Variants in HID1 observed in about 807,000 individuals in gnomAD.
HID1 encodes protein HID1.
HID1 carries 42 observed loss-of-function variants against 89.7 expected under a neutral mutation model. That is an observed-to-expected ratio of 0.47 (90% CI 0.37 to 0.61). The LOEUF is 0.61. Ranked by LOEUF, HID1 falls within the 20% of genes least tolerant of loss-of-function variation. HID1 has a pLI of 0.00. For synonymous variants in HID1, 442 were observed against 433.8 expected (o/e 1.02, Z -0.24); for missense variants, 854 against 1,039.3 (o/e 0.82, Z 2.45).
Position 74,958,691 on chromosome 17 carries a change from C to G in HID1, c.1222G>C (p.Asp408His). 2 of 1,581,672 alleles carry G rather than the reference C, an allele frequency of 1.3e-6. No individual in the cohort carries two copies. Among genetic ancestry groups the G allele is most frequent in the Non-Finnish European group, 1.7e-6 (2 of 1,154,428 alleles). Residue 408 changes from aspartate (D) to histidine (H), a missense_variant, in exon 10 of 19, where the codon GAT becomes CAT. Physicochemically the swap from Asp to His is moderately conservative, Grantham distance 81. Coordinates refer to ENST00000425042, the MANE Select transcript of HID1 (RefSeq NM_030630.3). The surrounding 1 kb of genome is among the most constrained non-coding windows in gnomAD (Gnocchi z 5.2). The part of the protein sequence containing the change: ...ILVPILFFLN[D>H]ARADQSRVGL... ...GTCTTACACTGATCGGCCCGGGCAT[C>G]GTTGAGGAAGAAGAGGATGGGGACA...
At chr17:74,969,922 C>CTT (rs61436029) in intron 1 of HID1, among the ~76,000 whole-genome samples, 1,549 of 112,080 alleles carry the variant, frequency 0.014, 33 homozygotes, top group Non-Finnish European at 0.017. Flanking sequence ...TTTCTTTTTT[C>CTT]TTTTTTTTTT....
At chr17:74,955,514 A>T (rs1251898480) in intron 13 of HID1, among the ~76,000 whole-genome samples, 3 of 141,824 alleles carry the variant, frequency 2.1e-5, no homozygotes, top group Non-Finnish European at 4.7e-5. Flanking sequence ...AAAAAAAAAA[A>T]TTTCAGATGT....
chr17:74,954,473 G>C, intron 13 of HID1, 108 bp from the exon 14 acceptor site: 1 of 1,529,740 alleles, frequency 6.5e-7, no homozygotes, highest in East Asian at 2.4e-5. Context: ...GAGGGTGTCT[G>C]CCCAAGGGGT....
In HID1 at chr17:74,963,084, G is replaced by A. The variant is rs1469919803; in HGVS notation, c.388-3C>T. 1 of 1,594,912 alleles carries A rather than the reference G, an allele frequency of 6.3e-7. No individual in the cohort carries two copies. The highest frequency in any genetic ancestry group is 1.7e-5 in the Admixed American group (1 of 57,858). On this transcript the variant is annotated splice_region_variant and splice_polypyrimidine_tract_variant and intron_variant, in intron 3 of 18. Coordinates refer to ENST00000425042, the MANE Select transcript of HID1 (RefSeq NM_030630.3). ...TGCTCATCATCCTCTTCTCCCTGCT[G>A]GGGACACAGCACCCACAGGCTGCCT...
At chr17:74,953,999 CCT>C in intron 14 of HID1, 137 bp downstream of exon 14, 3 of 845,802 alleles carry the variant, frequency 3.5e-6, no homozygotes, top group Non-Finnish European at 5.7e-6. Flanking sequence ...TCCCCCCATC[CCT>C]GTTGCCCAGC....
rs2039497650 is a variant in HID1, at chr17:74,962,475, A to G, written c.505-135T>C. ...CAGTTCTCCTAAAGACAGGTCCTCA[A>G]AATGGCCTGGCCCTCATGCACAAGA... On this transcript the variant is annotated intron_variant, in intron 4 of 18. Coordinates refer to ENST00000425042, the MANE Select transcript of HID1 (RefSeq NM_030630.3). This position sits in a 1 kb window ranked among gnomAD's most constrained non-coding sequence, Gnocchi z 4.3. 1.7e-6 allele frequency: 1 copy of G among 574,296 alleles called. No homozygotes were observed. Among genetic ancestry groups the G allele is most frequent in the East Asian group, 3.0e-5 (1 of 33,704 alleles). 35.6% of individuals were successfully genotyped at this position (574,296 alleles called of 1,614,324 possible). A position where few individuals can be genotyped will look rare whatever the true frequency, so the allele number is the denominator to read the frequency against.
intron 3 of HID1, chr17:74,963,536 T>C: frequency 3.3e-6 from 2 of 599,468 alleles, no homozygotes. Flanking sequence ...TCCTCCAGAC[T>C]GTGGGCACAG....
At chr17:74,963,658 G>A (rs2039518194) in intron 3 of HID1, 82 bp downstream of exon 3, 4 of 1,357,878 alleles carry the variant, frequency 2.9e-6, no homozygotes, top group Non-Finnish European at 3.0e-6. Flanking sequence ...AAGAGGCTTG[G>A]AGGAGCATGG....
At position 74,964,513 on chromosome 17, in the gene HID1, T is replaced by G; in HGVS notation, c.186A>C (p.Ser62=). 6.2e-7 allele frequency: 1 copy of G among 1,609,910 alleles called. No individual in the cohort carries two copies. Among genetic ancestry groups the G allele is most frequent in the East Asian group, 2.2e-5 (1 of 44,754 alleles). Residue 62 remains serine (S), a synonymous_variant, in exon 2 of 19, where the codon TCA becomes TCC. Coordinates refer to ENST00000425042, the MANE Select transcript of HID1 (RefSeq NM_030630.3). ...AAEIRAVREE[S]PSNLATLCYK... ...AGCACAGGGTGGCCAAGTTGGAGGGTGACTCTTCCCGCACGGCCCGGATCT... is the reference window on the plus strand; with the variant it reads ...AGCACAGGGTGGCCAAGTTGGAGGGGGACTCTTCCCGCACGGCCCGGATCT...
chr17:74,960,296 C>G (rs759390213), intron 6 of HID1, 48 bp from the exon 7 acceptor site: 171 of 1,520,480 alleles, frequency 1.1e-4, no homozygotes, highest in Non-Finnish European at 1.5e-4. Context: ...TGGGGCCCAG[C>G]CCCCTGGCCA....
intron 1 of HID1, among the ~76,000 whole-genome samples, chr17:74,967,282 T>C (rs757282510): frequency 3.3e-5 from 5 of 151,530 alleles, no homozygotes; most frequent in Admixed American, 6.6e-5. Flanking sequence ...GGCTCACGCC[T>C]GTAATTCCAG....
At position 74,963,049 on chromosome 17, in the gene HID1, G is replaced by C; in HGVS notation, c.420C>G (p.Pro140=). The C allele has an allele frequency of 6.2e-7, 1 of 1,612,904 alleles. No homozygotes were observed. Among genetic ancestry groups the C allele is most frequent in the Non-Finnish European group, 8.5e-7 (1 of 1,179,398 alleles). Residue 140 remains proline (P), a synonymous_variant, in exon 4 of 19, where the codon CCC becomes CCG. Transcript: ENST00000425042. Reference sequence around the variant, plus strand: ...TGGCCAGGAGCAGGGACTCGGCCAGGGGCCTGGCATGCTCATCATCCTCTT... The same window carrying C: ...TGGCCAGGAGCAGGGACTCGGCCAGCGGCCTGGCATGCTCATCATCCTCTT... ...QGEEDDEHAR[P]LAESLLLAIA...
chr17:74,960,437 G>T (rs1381592053), intron 6 of HID1, among the ~76,000 whole-genome samples, 189 bp from the exon 7 acceptor site: 1 of 152,228 alleles, frequency 6.6e-6, no homozygotes, highest in Non-Finnish European at 1.5e-5. Flanking sequence ...ACCCCTTAGG[G>T]TCTTAAGGGG....
chr17:74,961,354 G>A (rs141327044), intron 6 of HID1, among the ~76,000 whole-genome samples: 3,448 of 151,788 alleles, frequency 0.023, 109 homozygotes, highest in African/African-American at 0.064. Flanking sequence ...TGCAACCTCC[G>A]CCTCCCGGGT....
intron 1 of HID1, among the ~76,000 whole-genome samples, chr17:74,966,266 A>G (rs545394165): frequency 1.5e-5 from 2 of 135,988 alleles, no homozygotes; most frequent in South Asian, 5.2e-4. Flanking sequence ...CCTGGGTGAC[A>G]GAGCAAGACT....
At chr17:74,964,036 G>A in intron 2 of HID1, 126 bp from the exon 3 acceptor site, 1 of 981,030 alleles carries the variant, frequency 1.0e-6, no homozygotes, top group Non-Finnish European at 1.5e-6. Context: ...GCAGAGGAGA[G>A]ACAGTGGGGC....
chr17:74,963,711 C>A, intron 3 of HID1, 29 bp downstream of exon 3: 1 of 1,569,870 alleles, frequency 6.4e-7, no homozygotes, highest in Non-Finnish European at 8.6e-7. Context: ...AACTCTGCCT[C>A]CCACCCAGCC....
chr17:74,960,851 C>T (rs1219399575), intron 6 of HID1, among the ~76,000 whole-genome samples: 2 of 152,204 alleles, frequency 1.3e-5, no homozygotes, highest in Non-Finnish European at 1.5e-5. Flanking sequence ...CGCCACCTGC[C>T]GGGCACAGAC....
Position 74,953,067 on chromosome 17 carries a change from C to T in HID1, c.1991G>A (p.Arg664Lys). Residue 664 changes from arginine (R) to lysine (K), a missense_variant, in exon 16 of 19, where the codon AGG (arginine) becomes AAG (lysine). Coordinates refer to ENST00000425042, the MANE Select transcript of HID1 (RefSeq NM_030630.3). ...PAKGEPSQAW[R>K]EQRRPSTSSA... is the part of the protein sequence containing the mutation. ...TGAGGTGGACGGTCGCCGCTGCTCC[C>T]TCCATGCCTGGCTGGGCTCCTGGCC... 1.9e-6 allele frequency: 3 copies of T among 1,607,930 alleles called. No homozygotes were observed. Among genetic ancestry groups the T allele is most frequent in the Non-Finnish European group, 2.5e-6 (3 of 1,178,032 alleles).
Sources: allele counts gnomAD v4.1 joint callset (sites outside exome capture counted in the v4.1 genomes callset), GRCh38; gene constraint gnomAD v4.1.1; non-coding constraint Gnocchi (gnomAD v3.1); transcripts MANE v1.5; gene names NCBI Gene and HGNC (gene_info 2026-07-23, HGNC 2026-07-21).